Variants in HMCN1 observed in about 807,000 individuals in gnomAD.
HMCN1 encodes hemicentin 1, also known as hemicentin-1.
A neutral mutation model predicts 625.9 loss-of-function variants in HMCN1; 321 were observed. That is an observed-to-expected ratio of 0.51 (90% CI 0.47 to 0.56). HMCN1 has a LOEUF of 0.56. Ranked by LOEUF, HMCN1 falls within the 20% of genes least tolerant of loss-of-function variation. The probability of loss-of-function intolerance (pLI) is 0.00; values close to 1 mark genes in which losing one functional copy is unlikely to be tolerated. For missense variants in HMCN1, 6,588 were observed against 6,887.3 expected (o/e 0.96, Z 1.54); for synonymous variants, 2,425 against 2,417.6 (o/e 1.00, Z -0.09).
chr1:185,861,490 G>T (rs1034165906), intron 2 of HMCN1, among the ~76,000 whole-genome samples: 2 of 152,162 alleles, frequency 1.3e-5, no homozygotes, highest in African/African-American at 4.8e-5. Flanking sequence ...CGCAGTTGAG[G>T]AATGTTTTTC....
At chr1:186,088,552 T>A (rs778939986) in intron 62 of HMCN1, 54 bp from the exon 63 acceptor site, 1 of 1,565,340 alleles carries the variant, frequency 6.4e-7, no homozygotes, top group Admixed American at 1.7e-5. Context: ...ATTTTAGAGA[T>A]GTTAAAGTTT....
chr1:185,922,881 T>C (rs539923364), intron 7 of HMCN1, among the ~76,000 whole-genome samples: 1 of 152,308 alleles, frequency 6.6e-6, no homozygotes, highest in Non-Finnish European at 1.5e-5. Flanking sequence ...AATTACCTAT[T>C]GTCAAGGTAA....
intron 2 of HMCN1, among the ~76,000 whole-genome samples, chr1:185,850,467 C>G (rs1662094286): frequency 6.6e-6 from 1 of 152,042 alleles, no homozygotes; most frequent in Non-Finnish European, 1.5e-5. Context: ...AGACCTGGCA[C>G]AGGCTTCCTG....
intron 1 of HMCN1, among the ~76,000 whole-genome samples, chr1:185,775,691 T>C (rs970903623): frequency 6.6e-6 from 1 of 152,168 alleles, no homozygotes; most frequent in Non-Finnish European, 1.5e-5. Flanking sequence ...ATGTAACTAA[T>C]TGATTGTGAA....
intron 1 of HMCN1, among the ~76,000 whole-genome samples, chr1:185,787,919 C>T (rs564007114): frequency 6.6e-6 from 1 of 152,190 alleles, no homozygotes; most frequent in African/African-American, 2.4e-5. Context: ...ATAATTGAGG[C>T]CCAGTTGCTT....
intron 1 of HMCN1, among the ~76,000 whole-genome samples, chr1:185,750,466 G>T (rs1301042188): frequency 1.3e-5 from 2 of 152,050 alleles, no homozygotes; most frequent in Non-Finnish European, 2.9e-5. Flanking sequence ...TGTAATTCCA[G>T]TCAATTTTGG....
chr1:185,925,233 C>A (rs1667220590), intron 9 of HMCN1, 42 bp downstream of exon 9: 4 of 1,559,366 alleles, frequency 2.6e-6, no homozygotes, highest in Non-Finnish European at 3.5e-6. Context: ...CAGCATTTAA[C>A]ATGTAAATAT....
chr1:186,003,664 G>A lies in HMCN1; in HGVS notation c.4349-54G>A, dbSNP rs557693052. The stretch of plus-strand genomic sequence containing the variant: ...ATCATTGACTGCTTTCTAACCCCAT[G>A]CCTGCTCTTTTTGCTGAGTAACAGA... On this transcript the variant is annotated intron_variant, in intron 28 of 106. Transcript: ENST00000271588. 112 of 1,588,696 alleles carry A rather than the reference G, an allele frequency of 7.0e-5. 1 individual carries two copies. Among genetic ancestry groups the A allele is most frequent in the Middle Eastern group, 6.7e-4 (4 of 6,014 alleles).
rs200275507 is a variant in HMCN1 at position 186,119,458 on chromosome 1, G to T, written c.11956+160G>T. Among the ~76,000 whole-genome samples, 5 of 152,138 alleles carry T rather than the reference G, an allele frequency of 3.3e-5. No homozygotes were observed. The East Asian group carries it at 9.6e-4, about 29-fold the overall frequency. On this transcript the variant is annotated intron_variant, in intron 78 of 106. Transcript: ENST00000271588. ...AGATACTTTTAATAGGCTAAAAAAG[G>T]CACACAAATGGCAAACCACTCAAAG...
intron 45 of HMCN1, 75 bp downstream of exon 45, chr1:186,055,749 T>G: frequency 7.3e-7 from 1 of 1,378,298 alleles, no homozygotes; most frequent in East Asian, 2.3e-5. Flanking sequence ...GATATAGGCC[T>G]CAAGTACTGA....
In HMCN1 at chr1:185,989,512, A is replaced by G. The variant is rs1310136148; in HGVS notation, c.3073A>G (p.Ser1025Gly). 3.1e-6 allele frequency: 5 copies of G among 1,613,946 alleles called. No homozygotes were observed. Among genetic ancestry groups the G allele is most frequent in the Non-Finnish European group, 4.2e-6 (5 of 1,179,988 alleles). ...GAAAGGAGAGCTGATTTCAACCAGC[A>G]GTGCTAAGTTTTCAGCAGGAGCTGA... ...SKKGELISTS[S>G]AKFSAGADGS... is the part of the protein sequence containing the mutation. The change falls in exon 21 of 107, where the codon AGT (serine) becomes GGT (glycine). Residue 1025 changes from serine to glycine, a missense_variant. Physicochemically the swap from Ser to Gly is moderately conservative, Grantham distance 56. This residue lies in a region of HMCN1 where 4,628 missense variants were observed against 4,853.1 expected (regional missense o/e 0.95). Transcript: ENST00000271588.
rs143675191 is a variant in HMCN1, at chr1:186,088,360, A to G, written c.9577+84A>G. The G allele has an allele frequency of 6.3e-6, 10 of 1,597,194 alleles. 1 individual carries two copies. The South Asian group carries it at 1.1e-4, about 18-fold the overall frequency. Reference sequence around the variant, plus strand: ...CTAGACTTTTAAACTAGCACATTTTAAGTACCATGCTCATAGGGGTGTTTA... The same window carrying G: ...CTAGACTTTTAAACTAGCACATTTTGAGTACCATGCTCATAGGGGTGTTTA... On this transcript the variant is annotated intron_variant, in intron 62 of 106. Coordinates refer to ENST00000271588, the MANE Select transcript of HMCN1 (RefSeq NM_031935.3).
At chr1:185,939,598 G>A (rs1667986010) in intron 11 of HMCN1, among the ~76,000 whole-genome samples, 1 of 151,936 alleles carries the variant, frequency 6.6e-6, no homozygotes, top group Non-Finnish European at 1.5e-5. Context: ...ATACTTTTCT[G>A]TACTTGAAAA....
Position 186,093,277 on chromosome 1 carries a change from C to T in HMCN1, c.10012+19C>T, listed in dbSNP as rs74909345. The T allele has an allele frequency of 4.7e-3, 7,503 of 1,613,102 alleles. 302 individuals are homozygous for T. In the African/African-American group the frequency reaches 0.086, roughly 19 times the overall value. On this transcript the variant is annotated intron_variant, in intron 65 of 106. Coordinates refer to ENST00000271588, the MANE Select transcript of HMCN1 (RefSeq NM_031935.3). ...GTCTATGGTAAATATGAAATATCCCCCTCTTTTGATGATGCTGCCTTAAGA... is the reference window on the plus strand; with the variant it reads ...GTCTATGGTAAATATGAAATATCCCTCTCTTTTGATGATGCTGCCTTAAGA...
intron 42 of HMCN1, among the ~76,000 whole-genome samples, chr1:186,049,372 G>A (rs1656794958): frequency 6.6e-6 from 1 of 151,696 alleles, no homozygotes. Context: ...CAGCTAAAAA[G>A]CATTCCCATT....
chr1:186,132,082 C>G (rs564642333), intron 85 of HMCN1, among the ~76,000 whole-genome samples: 3 of 152,056 alleles, frequency 2.0e-5, no homozygotes, highest in Non-Finnish European at 4.4e-5. Context: ...TCCTGGAGAT[C>G]AATGATAGGC....
intron 34 of HMCN1, among the ~76,000 whole-genome samples, chr1:186,018,722 G>A (rs529103229): frequency 1.3e-5 from 2 of 152,018 alleles, no homozygotes; most frequent in Admixed American, 6.6e-5. Flanking sequence ...GGTTATGTAA[G>A]CGTTTAAGGG....
At chr1:185,929,283 A>G (rs1422041003) in intron 10 of HMCN1, among the ~76,000 whole-genome samples, 1 of 152,160 alleles carries the variant, frequency 6.6e-6, no homozygotes, top group Non-Finnish European at 1.5e-5. Context: ...TCGCACTAAG[A>G]CGGGCAGAAG....
intron 50 of HMCN1, 78 bp from the exon 51 acceptor site, chr1:186,069,585 C>A (rs61831262): frequency 2.3e-6 from 2 of 853,608 alleles, no homozygotes; most frequent in Non-Finnish European, 4.0e-6. Flanking sequence ...AACAAGAAGA[C>A]GTAAACCCCT....
Sources: gnomAD v4.1 joint callset for allele counts (sites outside exome capture counted in the v4.1 genomes callset) on GRCh38, gnomAD v4.1.1 for gene constraint, gnomAD v4.1.1 regional missense constraint, MANE v1.5 for transcripts, NCBI Gene and HGNC (gene_info 2026-07-23, HGNC 2026-07-21) for gene names.